Variants in RNF152 observed in about 807,000 individuals in gnomAD.
The protein encoded by RNF152 is ring finger protein 152.
RNF152 carries 11 observed loss-of-function variants against 12.7 expected under a neutral mutation model. The observed-to-expected ratio is 0.86, with a 90% CI of 0.54 to 1.43. RNF152 has a LOEUF of 1.43. RNF152 is among the 40% of genes most tolerant of loss of function. RNF152 has a pLI of 0.00. For synonymous variants in RNF152, 113 were observed against 120.3 expected, an observed-to-expected ratio of 0.94 and a Z score of 0.40; for missense variants, 255 against 274.8, an observed-to-expected ratio of 0.93 and a Z score of 0.51.
chr18:61,872,531 T>C (rs1912038492), intron 1 of RNF152, among the ~76,000 whole-genome samples: 1 of 152,190 alleles, frequency 6.6e-6, no homozygotes, highest in Admixed American at 6.5e-5. Flanking sequence ...AATCACCAAA[T>C]ATTCATGAAA....
chr18:61,823,160 T>C (rs190400720), intron 1 of RNF152, among the ~76,000 whole-genome samples: 1 of 152,376 alleles, frequency 6.6e-6, no homozygotes, highest in East Asian at 1.9e-4. Flanking sequence ...ATTGTTTTAA[T>C]GGAGCAGGAC....
Position 61,815,792 on chromosome 18 carries a change from C to T in RNF152, c.*60G>A. ...GCCCCCCATCTTCTCACTGGGATCT[C>T]ATCATCAACCTGCTCAACCCCTAAG... is the stretch of plus-strand genomic sequence containing the variant. On this transcript the variant is annotated 3_prime_UTR_variant, in exon 2 of 2. Transcript: ENST00000312828. 6.4e-7 allele frequency: 1 copy of T among 1,567,172 alleles called. No individual in the cohort carries two copies. Among genetic ancestry groups the T allele is most frequent in the Non-Finnish European group, 8.7e-7 (1 of 1,150,390 alleles).
chr18:61,816,785 G>A (rs1246091724), intron 1 of RNF152, among the ~76,000 whole-genome samples, 187 bp from the exon 2 acceptor site: 3 of 152,164 alleles, frequency 2.0e-5, no homozygotes, highest in Non-Finnish European at 4.4e-5. Flanking sequence ...TTGTCTCAGA[G>A]AGCATGTCAT....
At chr18:61,858,670 A>T (rs995552202) in intron 1 of RNF152, among the ~76,000 whole-genome samples, 1 of 152,100 alleles carries the variant, frequency 6.6e-6, no homozygotes, top group Non-Finnish European at 1.5e-5. Context: ...TTCTTACTGA[A>T]ATCCTGCATC....
At chr18:61,838,353 G>A (rs1012881367) in intron 1 of RNF152, among the ~76,000 whole-genome samples, 2 of 152,074 alleles carry the variant, frequency 1.3e-5, no homozygotes, top group African/African-American at 2.4e-5. Context: ...TGTGTTCAAG[G>A]GACCAAAGTA....
At chr18:61,823,525 C>T (rs968362926) in intron 1 of RNF152, among the ~76,000 whole-genome samples, 1 of 152,226 alleles carries the variant, frequency 6.6e-6, no homozygotes, top group Non-Finnish European at 1.5e-5. Context: ...TCTCGAACTC[C>T]TGACTTCAAC....
At chr18:61,849,462 T>C (rs1031543225) in intron 1 of RNF152, among the ~76,000 whole-genome samples, 8 of 152,126 alleles carry the variant, frequency 5.3e-5, no homozygotes, top group Non-Finnish European at 1.2e-4. Flanking sequence ...AAGCTTTAGG[T>C]GTCATTAGCA....
intron 1 of RNF152, among the ~76,000 whole-genome samples, chr18:61,821,428 T>C (rs1298626305): frequency 1.3e-5 from 2 of 152,166 alleles, no homozygotes; most frequent in Non-Finnish European, 2.9e-5. Flanking sequence ...ATGATGATGA[T>C]TCGTTAGGTA....
At chr18:61,828,734 AAAT>A (rs912144044) in intron 1 of RNF152, among the ~76,000 whole-genome samples, 7 of 152,358 alleles carry the variant, frequency 4.6e-5, no homozygotes, top group African/African-American at 1.7e-4. Context: ...ATAGAGTAAC[AAAT>A]ACTACTATTA....
In RNF152 at chr18:61,814,882, G is replaced by C. The variant is rs908515013; in HGVS notation, c.*970C>G. 4 of 152,176 alleles carry C rather than the reference G, an allele frequency of 2.6e-5. No homozygotes were observed. The highest frequency in any genetic ancestry group is 5.9e-5 in the Non-Finnish European group (4 of 68,038). The allele number at this position is 152,176 out of a possible 1,614,324, so 9.4% of individuals were successfully genotyped here. On this transcript the variant is annotated 3_prime_UTR_variant, in exon 2 of 2. Transcript: ENST00000312828. ...GGACTTAAATACACAGAAGAGGAGC[G>C]AGTGTTGCAGGTGACGTGTAGGAGA...
chr18:61,860,737 A>C (rs1159574301), intron 1 of RNF152, among the ~76,000 whole-genome samples: 1 of 152,228 alleles, frequency 6.6e-6, no homozygotes, highest in African/African-American at 2.4e-5. Context: ...GGAGGTATCC[A>C]GAAGAAGGCA....
At chr18:61,884,839 G>A (rs905372367) in intron 1 of RNF152, among the ~76,000 whole-genome samples, 3 of 152,198 alleles carry the variant, frequency 2.0e-5, no homozygotes, top group Admixed American at 6.5e-5. Flanking sequence ...GATTACAGGC[G>A]TGAGTCACCA....
Position 61,881,934 on chromosome 18 carries a change from T to C in RNF152, c.-136+10861A>G, listed in dbSNP as rs572653665. On this transcript the variant is annotated intron_variant, in intron 1 of 1. Transcript: ENST00000312828. ...TGAGATGCAATTCTTAAATAACTTATTGTTTTGTTATAAGATGTAGGGTGT... is the reference window on the plus strand; with the variant it reads ...TGAGATGCAATTCTTAAATAACTTACTGTTTTGTTATAAGATGTAGGGTGT... Among the ~76,000 whole-genome samples, 8 of 152,344 alleles carry C rather than the reference T, an allele frequency of 5.3e-5. No homozygotes were observed. In the South Asian group the frequency reaches 1.7e-3, roughly 32 times the overall value.
chr18:61,864,299 G>A (rs542920433), intron 1 of RNF152, among the ~76,000 whole-genome samples: 5 of 152,292 alleles, frequency 3.3e-5, no homozygotes, highest in African/African-American at 9.6e-5. Flanking sequence ...CCCCCTCTCC[G>A]GTTTAGTAAC....
At chr18:61,852,487 G>C (rs1008000946) in intron 1 of RNF152, among the ~76,000 whole-genome samples, 2 of 152,172 alleles carry the variant, frequency 1.3e-5, no homozygotes, top group African/African-American at 4.8e-5. Context: ...GTATATCATT[G>C]AAAGATGTAA....
chr18:61,877,578 A>G (rs1325684578), intron 1 of RNF152, among the ~76,000 whole-genome samples: 1 of 152,242 alleles, frequency 6.6e-6, no homozygotes, highest in Non-Finnish European at 1.5e-5. Context: ...TTGAGGTTTT[A>G]TTACTTTCTA....
At chr18:61,864,466 T>C (rs1911638696) in intron 1 of RNF152, among the ~76,000 whole-genome samples, 1 of 152,140 alleles carries the variant, frequency 6.6e-6, no homozygotes, top group Admixed American at 6.5e-5. Flanking sequence ...CCATGACCTC[T>C]TGGGAGGCGT....
intron 1 of RNF152, among the ~76,000 whole-genome samples, chr18:61,831,561 G>A (rs1023416875): frequency 6.6e-6 from 1 of 152,016 alleles, no homozygotes; most frequent in African/African-American, 2.4e-5. Context: ...TGAGGTTATG[G>A]ATTATTCATA....
intron 1 of RNF152, among the ~76,000 whole-genome samples, chr18:61,838,116 T>C (rs1910273681): frequency 6.6e-6 from 1 of 152,196 alleles, no homozygotes; most frequent in Admixed American, 6.5e-5. Context: ...TCAGTCCCTA[T>C]GAAACAATTC....
Sources: gnomAD v4.1 joint callset for allele counts (sites outside exome capture counted in the v4.1 genomes callset) on GRCh38, gnomAD v4.1.1 for gene constraint, MANE v1.5 for transcripts, NCBI Gene and HGNC (gene_info 2026-07-23, HGNC 2026-07-21) for gene names.